Variants in SEC24D observed in about 807,000 individuals in gnomAD.
SEC24D encodes SEC24 homolog D, COPII component, also known as protein transport protein Sec24D.
A neutral mutation model predicts 116.9 loss-of-function variants in SEC24D; 69 were observed. The ratio of observed to expected loss-of-function variants is 0.59; its 90% CI spans 0.49 to 0.72. The LOEUF is 0.72. SEC24D is among the 30% of genes least tolerant of loss of function. The pLI, the probability that SEC24D is intolerant of heterozygous loss-of-function variation, is 0.00. For missense variants in SEC24D, 1,131 were observed against 1,264.1 expected, an observed-to-expected ratio of 0.89 and a Z score of 1.60; for synonymous variants, 405 against 442.8, an observed-to-expected ratio of 0.91 and a Z score of 1.07.
At chr4:118,812,876 C>T (rs1439343767) in intron 6 of SEC24D, among the ~76,000 whole-genome samples, 2 of 152,082 alleles carry the variant, frequency 1.3e-5, no homozygotes, top group African/African-American at 4.8e-5. Flanking sequence ...AACACACGCC[C>T]ACTGGGACTT....
chr4:118,829,580 A>G (rs576750336), intron 2 of SEC24D, among the ~76,000 whole-genome samples: 11 of 152,180 alleles, frequency 7.2e-5, no homozygotes, highest in Non-Finnish European at 1.3e-4. Context: ...TGAGAGGCCG[A>G]GGCGGGTGGA....
intron 9 of SEC24D, 49 bp from the exon 10 acceptor site, chr4:118,764,966 G>T: frequency 9.7e-7 from 1 of 1,027,806 alleles, no homozygotes; most frequent in South Asian, 1.3e-5. Flanking sequence ...CATAAACACA[G>T]ACAATTTAGT....
chr4:118,772,826 T>A (rs1174735412), intron 8 of SEC24D, among the ~76,000 whole-genome samples: 1 of 152,154 alleles, frequency 6.6e-6, no homozygotes, highest in Non-Finnish European at 1.5e-5. Context: ...TGTTGGAACA[T>A]CCTATCACAG....
chr4:118,764,201 T>C lies in SEC24D; in HGVS notation c.1296+601A>G, dbSNP rs1294901150. Among the ~76,000 whole-genome samples the C allele has an allele frequency of 5.9e-5, 9 of 152,146 alleles. No homozygotes were observed. The East Asian group carries it at 1.5e-3, about 26-fold the overall frequency. ...TAATGGCCTTACAAAGAAAGCTAAA[T>C]TTTTTTTAATTTAATTTTTTAGAAA... On this transcript the variant is annotated intron_variant, in intron 10 of 22. Coordinates refer to ENST00000280551, the MANE Select transcript of SEC24D (RefSeq NM_014822.4).
intron 8 of SEC24D, among the ~76,000 whole-genome samples, chr4:118,785,243 C>G (rs1055512004): frequency 3.3e-5 from 5 of 152,116 alleles, no homozygotes; most frequent in African/African-American, 9.7e-5. Flanking sequence ...CAACAAATTA[C>G]TTGGCATCAA....
At chr4:118,819,530 C>CAAAA (rs373794417) in intron 3 of SEC24D, among the ~76,000 whole-genome samples, 8 of 60,894 alleles carry the variant, frequency 1.3e-4, no homozygotes, top group East Asian at 8.7e-4. Flanking sequence ...GACCCCGTCT[C>CAAAA]AAAAAAAAAA....
chr4:118,809,352 T>A (rs1729807268), intron 6 of SEC24D, among the ~76,000 whole-genome samples: 2 of 152,160 alleles, frequency 1.3e-5, no homozygotes, highest in South Asian at 4.1e-4. Context: ...ATGATACATT[T>A]CCTTACTTTC....
intron 11 of SEC24D, among the ~76,000 whole-genome samples, chr4:118,755,070 A>G (rs1035327931): frequency 6.6e-6 from 1 of 152,292 alleles, no homozygotes; most frequent in East Asian, 1.9e-4. Flanking sequence ...TTTTAAAAGC[A>G]TCTAATCAGA....
rs1390305756 is a variant in SEC24D, at chr4:118,815,087, G to A, written c.742C>T (p.Gln248Ter). ...YPGGFPGGPA[Q>*]MAGPPQPQKK... ...TGGGGCTGTGGCGGACCAGCCATCTGTGCAGGACCTCCAGGGAAGCCTCCT... is the reference window on the plus strand; with the variant it reads ...TGGGGCTGTGGCGGACCAGCCATCTATGCAGGACCTCCAGGGAAGCCTCCT... The change falls in exon 6 of 23, where the codon CAG (glutamine) becomes TAG (stop). Residue 248 changes from glutamine (Q) to a stop codon, truncating the protein, a stop_gained. Coordinates refer to ENST00000280551, the MANE Select transcript of SEC24D (RefSeq NM_014822.4). LOFTEE classifies it high-confidence loss of function. 6.2e-7 allele frequency: 1 copy of A among 1,614,186 alleles called. No individual in the cohort carries two copies. Among genetic ancestry groups the A allele is most frequent in the East Asian group, 2.2e-5 (1 of 44,884 alleles).
intron 20 of SEC24D, 131 bp downstream of exon 20, chr4:118,732,602 T>A (rs1339903251): frequency 1.2e-6 from 1 of 846,490 alleles, no homozygotes; most frequent in African/African-American, 1.7e-5. Flanking sequence ...CCACACCATA[T>A]ATTTTGAAGG....
chr4:118,757,811 A>G lies in SEC24D; in HGVS notation c.1331T>C (p.Phe444Ser). The G allele has an allele frequency of 6.2e-7, 1 of 1,612,132 alleles. No individual in the cohort carries two copies. The highest frequency in any genetic ancestry group is 8.5e-7 in the Non-Finnish European group (1 of 1,178,862). ...GTTACTATATGAAACATCAATCATG[A>G]AGATAAAGGCTGGTGGGTTGGGAGG... ...SKPPNPPAFI[F>S]MIDVSYSNIK... The change falls in exon 11 of 23, where the codon TTC becomes TCC. Residue 444 changes from phenylalanine (F) to serine (S), a missense_variant. Transcript: ENST00000280551.
chr4:118,761,311 C>T (rs923043713), intron 10 of SEC24D, among the ~76,000 whole-genome samples: 9 of 152,296 alleles, frequency 5.9e-5, no homozygotes, highest in Admixed American at 3.3e-4. Flanking sequence ...ACAACTCCAC[C>T]TTCACCTTTA....
At chr4:118,791,865 G>T (rs1728925961) in intron 8 of SEC24D, among the ~76,000 whole-genome samples, 1 of 152,150 alleles carries the variant, frequency 6.6e-6, no homozygotes, top group South Asian at 2.1e-4. Flanking sequence ...GCGTGATCTT[G>T]GCTCGCTACA....
Position 118,723,158 on chromosome 4 carries a change from C to T in SEC24D, c.*357G>A, listed in dbSNP as rs1047454060. On this transcript the variant is annotated 3_prime_UTR_variant, in exon 23 of 23. Transcript: ENST00000280551. ...ATTGCAATTGGGAGAGGAACTGAGA[C>T]AACTTTTTACCCCAAATCTATACAG... 6.3e-6 allele frequency: 1 copy of T among 159,330 alleles called. No individual in the cohort carries two copies. Among genetic ancestry groups the T allele is most frequent in the Non-Finnish European group, 1.4e-5 (1 of 72,760 alleles). The allele number at this position is 159,330 out of a possible 1,614,324, so 9.9% of individuals were successfully genotyped here. A position where few individuals can be genotyped will look rare whatever the true frequency, so the allele number is the denominator to read the frequency against.
intron 14 of SEC24D, among the ~76,000 whole-genome samples, chr4:118,744,412 T>A (rs1560625685): frequency 6.6e-6 from 1 of 152,194 alleles, no homozygotes; most frequent in Non-Finnish European, 1.5e-5. Context: ...ACTCCATCAA[T>A]CCTAATGGAG....
chr4:118,766,262 C>G (rs892350189), intron 9 of SEC24D, among the ~76,000 whole-genome samples: 7 of 152,120 alleles, frequency 4.6e-5, no homozygotes, highest in Admixed American at 4.6e-4. Context: ...ACCCTTTGGC[C>G]CCTGTCTTCC....
intron 8 of SEC24D, among the ~76,000 whole-genome samples, chr4:118,792,858 C>G (rs1578441529): frequency 6.6e-6 from 1 of 152,156 alleles, no homozygotes. Context: ...CCAAATCCCC[C>G]TCTCCGAGAA....
At chr4:118,824,878 C>T in intron 2 of SEC24D, 129 bp from the exon 3 acceptor site, 1 of 770,858 alleles carries the variant, frequency 1.3e-6, no homozygotes, top group Non-Finnish European at 2.0e-6. Context: ...AAATCTCTTT[C>T]AAGCTTAACC....
At chr4:118,735,360 C>CT (rs1315764242) in intron 19 of SEC24D, among the ~76,000 whole-genome samples, 1 of 152,192 alleles carries the variant, frequency 6.6e-6, no homozygotes, top group Non-Finnish European at 1.5e-5. Flanking sequence ...CCCCACCCGA[C>CT]TGACCCCCTC....
Sources: allele counts gnomAD v4.1 joint callset (sites outside exome capture counted in the v4.1 genomes callset), GRCh38; gene constraint gnomAD v4.1.1; transcripts MANE v1.5; gene names NCBI Gene and HGNC (gene_info 2026-07-23, HGNC 2026-07-21).